The following PBX1 variants were observed in gnomAD, a reference collection of about 807,000 sequenced individuals.
The protein encoded by PBX1 is PBX homeobox 1.
PBX1 carries 6 observed loss-of-function variants against 53.4 expected under a neutral mutation model. The ratio of observed to expected loss-of-function variants is 0.11; its 90% confidence interval spans 0.06 to 0.22. PBX1 has a LOEUF of 0.22. Among genes scored for constraint, PBX1 ranks in the 10% least tolerant of loss-of-function variants. PBX1 has a pLI of 1.00. For missense variants in PBX1, 251 were observed against 551.4 expected (o/e 0.46, Z 5.46); for synonymous variants, 204 against 212.3 (o/e 0.96, Z 0.34).
At chr1:164,760,646 G>A (rs1349647667) in intron 2 of PBX1, among the ~76,000 whole-genome samples, 1 of 151,958 alleles carries the variant, frequency 6.6e-6, no homozygotes, top group East Asian at 1.9e-4. Context: ...AGTTTTTGTA[G>A]CCCTGTCATT....
chr1:164,847,077 T>C lies in PBX1; in HGVS notation c.*401T>C. On this transcript the variant is annotated 3_prime_UTR_variant, in exon 9 of 9. Transcript: ENST00000420696. ...TAAAAGTGTTTGTACGTTTTCATGC[T>C]GGTGGTTTGAGGAGCCAAATTTACC... 6 of 1,100,132 alleles carry C rather than the reference T, an allele frequency of 5.5e-6. No homozygotes were observed. The highest frequency in any genetic ancestry group is 6.7e-6 in the Non-Finnish European group (6 of 898,422). 68.1% of individuals were successfully genotyped at this position (1,100,132 alleles called of 1,614,324 possible).
At chr1:164,614,596 G>A (rs2800784) in intron 2 of PBX1, among the ~76,000 whole-genome samples, 96,721 of 151,868 alleles carry the variant, frequency 0.64, 31,345 homozygotes, top group East Asian at 0.93. Flanking sequence ...GCGCTATGCT[G>A]CTTCACTCTG....
chr1:164,576,992 T>C (rs2101729116), intron 2 of PBX1: 1 of 152,358 alleles, frequency 6.6e-6, no homozygotes, highest in East Asian at 1.9e-4. Context: ...GAAGGCCGCG[T>C]GTGAGCACGT....
intron 2 of PBX1, among the ~76,000 whole-genome samples, chr1:164,593,584 A>G (rs1424929279): frequency 6.6e-6 from 1 of 152,140 alleles, no homozygotes; most frequent in Non-Finnish European, 1.5e-5. Flanking sequence ...TTCATCTATA[A>G]AAATGTGGGT....
intron 2 of PBX1, among the ~76,000 whole-genome samples, chr1:164,650,081 A>G (rs2101919386): frequency 6.6e-6 from 1 of 152,262 alleles, no homozygotes; most frequent in African/African-American, 2.4e-5. Context: ...TCTGCAGACA[A>G]AATTAGGGCA....
Position 164,608,766 on chromosome 1 carries a change from T to C in PBX1, c.265+45455T>C, listed in dbSNP as rs530052842. Among the ~76,000 whole-genome samples the C allele has an allele frequency of 5.9e-5, 9 of 152,214 alleles. No homozygotes were observed. The South Asian group carries it at 1.9e-3, about 32-fold the overall frequency. ...GGGCAACTAGCAGAGCTGGACACCT[T>C]GTGATTCAGAGGGGCTTTCCCATGG... On this transcript the variant is annotated intron_variant, in intron 2 of 8. Transcript: ENST00000420696.
intron 2 of PBX1, among the ~76,000 whole-genome samples, chr1:164,782,855 C>G (rs974995301): frequency 1.3e-5 from 2 of 152,180 alleles, no homozygotes; most frequent in African/African-American, 4.8e-5. Context: ...TCTCTACATC[C>G]TGGCGGAGAA....
intron 2 of PBX1, chr1:164,680,013 T>G (rs2101993880): frequency 6.6e-6 from 1 of 152,282 alleles, no homozygotes; most frequent in Non-Finnish European, 1.5e-5. Context: ...CGTGAATTAA[T>G]TAACAATTTC....
At chr1:164,714,383 C>T (rs1466613974) in intron 2 of PBX1, among the ~76,000 whole-genome samples, 2 of 152,162 alleles carry the variant, frequency 1.3e-5, no homozygotes, top group African/African-American at 2.4e-5. Flanking sequence ...GTTACATTAT[C>T]GTTGGAACAG....
At chr1:164,635,951 G>A (rs1658746200) in intron 2 of PBX1, among the ~76,000 whole-genome samples, 1 of 152,018 alleles carries the variant, frequency 6.6e-6, no homozygotes, top group African/African-American at 2.4e-5. Flanking sequence ...CTTTAGACTT[G>A]GCTTCCTGTG....
At chr1:164,821,868 A>G (rs144003263) in intron 8 of PBX1, among the ~76,000 whole-genome samples, 250 of 152,244 alleles carry the variant, frequency 1.6e-3, no homozygotes, top group African/African-American at 5.1e-3. Context: ...CAGTGTTTGC[A>G]TGGCACCTGC....
intron 2 of PBX1, among the ~76,000 whole-genome samples, chr1:164,735,170 T>G (rs1158266691): frequency 6.6e-6 from 1 of 152,244 alleles, no homozygotes. Flanking sequence ...AAATCTTGCT[T>G]TTGTAAAATG....
chr1:164,648,997 C>T (rs151219207), intron 2 of PBX1, among the ~76,000 whole-genome samples: 105 of 152,236 alleles, frequency 6.9e-4, no homozygotes, highest in African/African-American at 1.9e-3. Context: ...GTGACTTAGG[C>T]TGTTTGCCTC....
intron 2 of PBX1, among the ~76,000 whole-genome samples, chr1:164,566,358 A>T (rs1435856725): frequency 3.9e-5 from 6 of 152,206 alleles, no homozygotes; most frequent in Non-Finnish European, 7.3e-5. Flanking sequence ...TGCTAAGAAG[A>T]AGTGCCAGCA....
rs1466737398 is a variant in PBX1 at position 164,848,124 on chromosome 1, A to G, written c.*1448A>G. On this transcript the variant is annotated 3_prime_UTR_variant, in exon 9 of 9. Transcript: ENST00000420696. ...AGCTTCATTTGAGGACCTGAGAATCATGGGGAAAGGGAAGGTAATGTTTTC... is the reference window on the plus strand; with the variant it reads ...AGCTTCATTTGAGGACCTGAGAATCGTGGGGAAAGGGAAGGTAATGTTTTC... 9.5e-7 allele frequency: 1 copy of G among 1,051,528 alleles called. No individual in the cohort carries two copies. The highest frequency in any genetic ancestry group is 1.1e-6 in the Non-Finnish European group (1 of 870,624). 65.1% of individuals were successfully genotyped at this position (1,051,528 alleles called of 1,614,324 possible).
At chr1:164,802,379 G>T (rs908601546) in intron 4 of PBX1, among the ~76,000 whole-genome samples, 1 of 152,106 alleles carries the variant, frequency 6.6e-6, no homozygotes, top group East Asian at 1.9e-4. Context: ...TTCCAAGCTC[G>T]TTCTGGTTGT....
intron 2 of PBX1, among the ~76,000 whole-genome samples, chr1:164,690,025 A>G (rs576389387): frequency 6.6e-6 from 1 of 152,320 alleles, no homozygotes; most frequent in Non-Finnish European, 1.5e-5. Flanking sequence ...TTAAATATGT[A>G]TTCAGTTGCA....
In PBX1 at chr1:164,849,626, C is replaced by T. The variant is rs1194269226; in HGVS notation, c.*2950C>T. 1.7e-6 allele frequency: 1 copy of T among 574,332 alleles called. No individual in the cohort carries two copies. Among genetic ancestry groups the T allele is most frequent in the Non-Finnish European group, 2.9e-6 (1 of 344,858 alleles). The allele number at this position is 574,332 out of a possible 1,614,324, so 35.6% of individuals were successfully genotyped here. On this transcript the variant is annotated 3_prime_UTR_variant, in exon 9 of 9. Transcript: ENST00000420696. ...GAAACGATACTAGACCCTGGGTTTG[C>T]CCACCTTGTAACTCTTCCTTATCTC...
chr1:164,833,683 G>T (rs1278863950), intron 8 of PBX1, among the ~76,000 whole-genome samples: 2 of 152,106 alleles, frequency 1.3e-5, no homozygotes, highest in Non-Finnish European at 2.9e-5. Flanking sequence ...CTCAACTCAG[G>T]CCTGGTATAC....
Sources: gnomAD v4.1 joint callset for allele counts (sites outside exome capture counted in the v4.1 genomes callset) on GRCh38, gnomAD v4.1.1 for gene constraint, MANE v1.5 for transcripts, NCBI Gene and HGNC (gene_info 2026-07-23, HGNC 2026-07-21) for gene names.